Variants in FUT8 observed in about 807,000 individuals in gnomAD.
FUT8 encodes the protein alpha-(1,6)-fucosyltransferase.
A neutral mutation model predicts 71.3 loss-of-function variants in FUT8; 29 were observed. The observed-to-expected ratio is 0.41, with a 90% CI of 0.30 to 0.55. The LOEUF (loss-of-function observed/expected upper bound fraction) is 0.55. FUT8 is among the 20% of genes least tolerant of loss of function. FUT8 has a pLI of 0.34. For missense variants in FUT8, 544 were observed against 702.1 expected (o/e 0.77, Z 2.55); for synonymous variants, 254 against 239.3 (o/e 1.06, Z -0.57).
In FUT8 at chr14:65,526,572, A is replaced by G. The variant is rs570778848; in HGVS notation, c.-227-34765A>G. Among the ~76,000 whole-genome samples, 5 of 152,234 alleles carry G rather than the reference A, an allele frequency of 3.3e-5. No homozygotes were observed. The South Asian group carries it at 1.0e-3, about 32-fold the overall frequency. ...ATTTAGCCCATTTACATTTAAGGTT[A>G]ATATTGTTATGTGTGAATTTGATCC... is the stretch of plus-strand genomic sequence containing the variant. On this transcript the variant is annotated intron_variant, in intron 2 of 10. Transcript: ENST00000673929.
intron 9 of FUT8, among the ~76,000 whole-genome samples, chr14:65,728,172 G>A (rs1431283843): frequency 6.6e-6 from 1 of 152,166 alleles, no homozygotes; most frequent in African/African-American, 2.4e-5. Context: ...CCCTCTGCCT[G>A]TTACCCAATT....
intron 3 of FUT8, among the ~76,000 whole-genome samples, chr14:65,596,147 T>C (rs2140154483): frequency 6.6e-6 from 1 of 152,344 alleles, no homozygotes; most frequent in South Asian, 2.1e-4. Flanking sequence ...CTCTTCAGGC[T>C]CTGTGGGGTT....
At chr14:65,650,078 C>T (rs148517249) in intron 6 of FUT8, among the ~76,000 whole-genome samples, 4,680 of 151,922 alleles carry the variant, frequency 0.031, 153 homozygotes, top group East Asian at 0.17. Flanking sequence ...GGGCGGATCA[C>T]GAGGTCAGGA....
intron 2 of FUT8, among the ~76,000 whole-genome samples, chr14:65,461,811 A>G (rs528858292): frequency 6.6e-6 from 1 of 152,312 alleles, no homozygotes; most frequent in African/African-American, 2.4e-5. Flanking sequence ...GCTTGGTCTC[A>G]ATTCCATCTC....
intron 1 of FUT8, among the ~76,000 whole-genome samples, chr14:65,429,890 C>CTT (rs2065445524): frequency 7.3e-6 from 1 of 136,660 alleles, no homozygotes; most frequent in African/African-American, 2.7e-5. Context: ...AAAAAAAAGA[C>CTT]TTACAAGAGA....
At chr14:65,481,787 G>C (rs2066335406) in intron 2 of FUT8, among the ~76,000 whole-genome samples, 1 of 151,944 alleles carries the variant, frequency 6.6e-6, no homozygotes, top group South Asian at 2.1e-4. Context: ...TAAAATATCT[G>C]TTCAAATATT....
At chr14:65,717,240 G>T (rs1594932075) in intron 7 of FUT8, among the ~76,000 whole-genome samples, 1 of 123,064 alleles carries the variant, frequency 8.1e-6, no homozygotes, top group African/African-American at 3.1e-5. Context: ...GGGCAGAGGC[G>T]CTCCTCACCT....
chr14:65,609,771 T>A (rs1466034154), intron 3 of FUT8, among the ~76,000 whole-genome samples: 1 of 151,980 alleles, frequency 6.6e-6, no homozygotes, highest in Non-Finnish European at 1.5e-5. Flanking sequence ...ACAATAGGTC[T>A]TAATATCAGA....
chr14:65,546,059 AG>A (rs1884969440), intron 2 of FUT8, among the ~76,000 whole-genome samples: 1 of 151,868 alleles, frequency 6.6e-6, no homozygotes, highest in Admixed American at 6.5e-5. Flanking sequence ...GTCACAAAAT[AG>A]GGGTAATTTA....
At chr14:65,733,470 A>G in intron 10 of FUT8, 89 bp downstream of exon 10, 5 of 954,008 alleles carry the variant, frequency 5.2e-6, no homozygotes, top group African/African-American at 1.7e-5. Flanking sequence ...TGTGTTGTTA[A>G]TGTTCATTAT....
At chr14:65,417,643 T>C (rs2065237797) in intron 1 of FUT8, among the ~76,000 whole-genome samples, 1 of 152,200 alleles carries the variant, frequency 6.6e-6, no homozygotes, top group African/African-American at 2.4e-5. Context: ...TTTGTGGTAG[T>C]CTTTTTTTTG....
At chr14:65,438,153 A>C (rs888385813) in intron 1 of FUT8, among the ~76,000 whole-genome samples, 4 of 152,248 alleles carry the variant, frequency 2.6e-5, no homozygotes, top group Admixed American at 6.5e-5. Flanking sequence ...GAATATATCA[A>C]GAATATTTCA....
chr14:65,441,872 A>C (rs560933512), intron 1 of FUT8, among the ~76,000 whole-genome samples: 36 of 151,082 alleles, frequency 2.4e-4, no homozygotes, highest in Non-Finnish European at 3.5e-4. Flanking sequence ...ATATGTATAC[A>C]TGTGCCATGT....
At chr14:65,403,616 C>T in the FUT8 span, among the ~76,000 whole-genome samples, 1 of 152,142 alleles carries the variant, frequency 6.6e-6, no homozygotes. Flanking sequence ...CTCTAATTTG[C>T]CCTTGGGTTA....
At chr14:65,503,137 T>C (rs962266786) in intron 2 of FUT8, among the ~76,000 whole-genome samples, 2 of 152,238 alleles carry the variant, frequency 1.3e-5, no homozygotes, top group Non-Finnish European at 2.9e-5. Context: ...CAGAGAAATA[T>C]ATGCTTCTGA....
At chr14:65,691,834 T>G (rs935044560) in intron 7 of FUT8, among the ~76,000 whole-genome samples, 2 of 152,000 alleles carry the variant, frequency 1.3e-5, no homozygotes, top group Admixed American at 6.6e-5. Context: ...AAGCATCTGT[T>G]TAACAAAGCA....
chr14:65,671,415 G>A lies in FUT8; in HGVS notation c.835+1935G>A, dbSNP rs374803705. On this transcript the variant is annotated intron_variant, in intron 7 of 10. Transcript: ENST00000673929. ...TCTTAATGTTACAACTAAAGAGGAT[G>A]TAGAAAGCATCCTTTCTTTATTCAT... Among the ~76,000 whole-genome samples, 19 of 152,272 alleles carry A rather than the reference G, an allele frequency of 1.2e-4. 3 individuals are homozygous for A. Among genetic ancestry groups the A allele is most frequent in the African/African-American group, 4.3e-4 (18 of 41,562 alleles).
chr14:65,537,441 G>A (rs1473422910), intron 2 of FUT8, among the ~76,000 whole-genome samples: 4 of 152,058 alleles, frequency 2.6e-5, no homozygotes, highest in Non-Finnish European at 5.9e-5. Context: ...AGGATGGAGT[G>A]CAGTGGCGTG....
chr14:65,368,288 T>G, the FUT8 span, among the ~76,000 whole-genome samples: 10,894 of 107,966 alleles, frequency 0.1, 631 homozygotes, highest in East Asian at 0.3. Flanking sequence ...CTCCTGACCT[T>G]GTGATCCGCC....
Sources: gnomAD v4.1 joint callset for allele counts (sites outside exome capture counted in the v4.1 genomes callset) on GRCh38, gnomAD v4.1.1 for gene constraint, MANE v1.5 for transcripts, NCBI Gene and HGNC (gene_info 2026-07-23, HGNC 2026-07-21) for gene names.